Variants in SCRN3 observed in about 807,000 individuals in gnomAD.
The protein encoded by SCRN3 is secernin-3.
In SCRN3, 39 loss-of-function variants were observed where a neutral mutation model predicts 43.1. The observed-to-expected ratio is 0.91, with a 90% confidence interval of 0.70 to 1.18. The LOEUF is 1.18. Among genes scored for constraint, SCRN3 ranks in the 50% most tolerant of loss-of-function variants. SCRN3 has a pLI of 0.00. For missense variants in SCRN3, 484 were observed against 498.0 expected, an observed-to-expected ratio of 0.97 and a Z score of 0.27; for synonymous variants, 147 against 163.1, an observed-to-expected ratio of 0.90 and a Z score of 0.75.
In SCRN3 at chr2:174,404,245, T is replaced by C; in HGVS notation, c.684T>C (p.Leu228=). 1 of 1,613,850 alleles carries C rather than the reference T, an allele frequency of 6.2e-7. No individual in the cohort carries two copies. Among genetic ancestry groups the C allele is most frequent in the Non-Finnish European group, 8.5e-7 (1 of 1,179,840 alleles). Residue 228 remains leucine, a synonymous_variant, in exon 5 of 8, where the codon CTT becomes CTC. Transcript: ENST00000272732. ...EFDFAAAYSY[L]DTAKMMTSSG... ...ATTTTGCTGCAGCATATTCCTATCT[T>C]GACACAGCCAAGATGATGACTTCAT...
chr2:174,396,332 G>C (rs1369963351), intron 1 of SCRN3: 1 of 986,094 alleles, frequency 1.0e-6, no homozygotes, highest in African/African-American at 1.7e-5. Flanking sequence ...AGTGGGCTAG[G>C]TGCAATTCTA....
At chr2:174,404,613 C>T (rs1354394478) in intron 5 of SCRN3, among the ~76,000 whole-genome samples, 1 of 109,562 alleles carries the variant, frequency 9.1e-6, no homozygotes, top group Admixed American at 9.9e-5. Flanking sequence ...CCCCTCCCCC[C>T]ACCCCACCAC....
At chr2:174,416,991 G>C (rs995345784) in intron 5 of SCRN3, among the ~76,000 whole-genome samples, 2 of 152,132 alleles carry the variant, frequency 1.3e-5, no homozygotes, top group African/African-American at 4.8e-5. Flanking sequence ...AAAAGAACAT[G>C]TTATAATTTG....
intron 4 of SCRN3, among the ~76,000 whole-genome samples, chr2:174,403,620 C>A (rs1011386428): frequency 1.3e-5 from 2 of 152,028 alleles, no homozygotes; most frequent in African/African-American, 4.8e-5. Context: ...CATATTATTC[C>A]ATTTATATAA....
chr2:174,427,740 A>G lies in SCRN3; in HGVS notation c.1120A>G (p.Met374Val). The change falls in exon 8 of 8, where the codon ATG becomes GTG. Residue 374 changes from methionine to valine, a missense_variant. By Grantham distance (21) the Met-to-Val change is conservative (BLOSUM62 1). Transcript: ENST00000272732. ...EEKAKIMLDN[M>V]RKLEKELFRE... ...AAAAGCCAAAATAATGTTGGACAAC[A>G]TGAGGAAACTGGAGAAAGAACTATT... 3 of 1,606,108 alleles carry G rather than the reference A, an allele frequency of 1.9e-6. No individual in the cohort carries two copies. Among genetic ancestry groups the G allele is most frequent in the Non-Finnish European group, 1.7e-6 (2 of 1,176,060 alleles).
In SCRN3 at chr2:174,399,980, C is replaced by G. The variant is rs1310073802; in HGVS notation, c.218C>G (p.Pro73Arg). 3 of 1,587,006 alleles carry G rather than the reference C, an allele frequency of 1.9e-6. No individual in the cohort carries two copies. Among genetic ancestry groups the G allele is most frequent in the Non-Finnish European group, 2.6e-6 (3 of 1,169,468 alleles). The part of the protein sequence containing the change: ...PETYAVVLSR[P>R]AWLWGAEMGA... ...ACATATGCTGTTGTCCTGAGTCGCC[C>G]AGCGTGGTTGTGGGGGGCAGAAATG... Residue 73 changes from proline (P) to arginine (R), a missense_variant, in exon 3 of 8, where the codon CCA (proline) becomes CGA (arginine). By Grantham distance (103) the Pro-to-Arg change is moderately radical (BLOSUM62 -2). Coordinates refer to ENST00000272732, the MANE Select transcript of SCRN3 (RefSeq NM_024583.5).
At chr2:174,399,535 G>A (rs1482869196) in intron 2 of SCRN3, among the ~76,000 whole-genome samples, 3 of 152,182 alleles carry the variant, frequency 2.0e-5, no homozygotes, top group Admixed American at 6.5e-5. Flanking sequence ...TACAGCTAGA[G>A]ACCATCTTTC....
intron 3 of SCRN3, 144 bp from the exon 4 acceptor site, chr2:174,400,846 A>G (rs1685483337): frequency 2.9e-6 from 2 of 699,912 alleles, no homozygotes; most frequent in South Asian, 4.7e-5. Context: ...CTTCAGAAGG[A>G]AAAGTTTTAA....
intron 3 of SCRN3, 46 bp from the exon 4 acceptor site, chr2:174,400,944 T>A (rs1375831679): frequency 6.5e-6 from 9 of 1,388,226 alleles, no homozygotes; most frequent in Non-Finnish European, 8.7e-6. Flanking sequence ...TTAAAAAAAA[T>A]AATGGAAATT....
At chr2:174,406,598 T>C (rs1685702806) in intron 5 of SCRN3, among the ~76,000 whole-genome samples, 1 of 150,812 alleles carries the variant, frequency 6.6e-6, no homozygotes, top group African/African-American at 2.4e-5. Context: ...TGTGGGTTTG[T>C]CAGAGATAGC....
intron 5 of SCRN3, among the ~76,000 whole-genome samples, chr2:174,420,841 A>G (rs905251146): frequency 1.3e-5 from 2 of 152,200 alleles, no homozygotes; most frequent in African/African-American, 4.8e-5. Flanking sequence ...AAAAGGTCTC[A>G]CATACATAAG....
rs758282561 is a variant in SCRN3 at position 174,424,489 on chromosome 2, C to T, written c.932C>T (p.Pro311Leu). The change falls in exon 7 of 8, where the codon CCT (proline) becomes CTT (leucine). Residue 311 changes from proline to leucine, a missense_variant. By Grantham distance (98) the Pro-to-Leu change is moderately conservative. Transcript: ENST00000272732. ...TPDPERSVFK[P>L]FIFVPHISQL... ...CTTTTTTCTAGATCTGTTTTTAAGC[C>T]TTTCATATTTGTGCCACATATTTCA... The T allele has an allele frequency of 6.2e-7, 1 of 1,602,370 alleles. No individual in the cohort carries two copies. The highest frequency in any genetic ancestry group is 1.7e-5 in the Admixed American group (1 of 59,002).
Position 174,404,277 on chromosome 2 carries a change from G to C in SCRN3, c.716G>C (p.Arg239Thr). The change falls in exon 5 of 8, where the codon AGA becomes ACA. Residue 239 changes from arginine (R) to threonine (T), a missense_variant. Coordinates refer to ENST00000272732, the MANE Select transcript of SCRN3 (RefSeq NM_024583.5). ...GCCAAGATGATGACTTCATCAGGCAGATACTGTGAGGGCTACAAGCTTCTA... is the reference window on the plus strand; with the variant it reads ...GCCAAGATGATGACTTCATCAGGCACATACTGTGAGGGCTACAAGCTTCTA... ...DTAKMMTSSGRYCEGYKLLNK... is the reference protein window; with the variant it reads ...DTAKMMTSSGTYCEGYKLLNK... The C allele has an allele frequency of 6.2e-7, 1 of 1,613,766 alleles. No homozygotes were observed. The highest frequency in any genetic ancestry group is 8.5e-7 in the Non-Finnish European group (1 of 1,179,760).
chr2:174,413,201 C>T (rs994378224), intron 5 of SCRN3, among the ~76,000 whole-genome samples: 2 of 152,000 alleles, frequency 1.3e-5, no homozygotes, highest in African/African-American at 2.4e-5. Flanking sequence ...AGCAAAAGAG[C>T]ACTGCAAAAA....
chr2:174,410,777 T>A (rs991311966), intron 5 of SCRN3, among the ~76,000 whole-genome samples: 5 of 152,190 alleles, frequency 3.3e-5, no homozygotes, highest in Admixed American at 6.5e-5. Context: ...AGGAATTCCC[T>A]CTTTCCACTC....
intron 7 of SCRN3, among the ~76,000 whole-genome samples, chr2:174,425,634 C>T (rs971608037): frequency 1.3e-5 from 2 of 151,998 alleles, no homozygotes; most frequent in African/African-American, 2.4e-5. Context: ...ACAAGCTCTG[C>T]CAGACTTCTT....
intron 5 of SCRN3, chr2:174,409,926 T>G (rs1274853600): frequency 1.4e-5 from 2 of 141,810 alleles, no homozygotes; most frequent in Admixed American, 1.4e-4. Context: ...GTCTGTGCCC[T>G]GCCCCCAGAG....
At position 174,426,600 on chromosome 2, in the gene SCRN3, C is replaced by T. The variant is rs1029205358; in HGVS notation, c.1093-1113C>T. ...CAGCCTGACCAACATGATGAAACCC[C>T]GTCTGTACTAAAACTACAAAAATTA... On this transcript the variant is annotated intron_variant, in intron 7 of 7. Coordinates refer to ENST00000272732, the MANE Select transcript of SCRN3 (RefSeq NM_024583.5). Among the ~76,000 whole-genome samples the T allele has an allele frequency of 4.6e-5, 7 of 152,006 alleles. No individual in the cohort carries two copies. The South Asian group carries it at 8.3e-4, about 18-fold the overall frequency.
chr2:174,423,543 C>T (rs1220359132), intron 6 of SCRN3, among the ~76,000 whole-genome samples: 2 of 151,934 alleles, frequency 1.3e-5, no homozygotes, highest in Non-Finnish European at 2.9e-5. Flanking sequence ...GATCTCAGCT[C>T]ACTGCAACCT....
Sources: gnomAD v4.1 joint callset for allele counts (sites outside exome capture counted in the v4.1 genomes callset) on GRCh38, gnomAD v4.1.1 for gene constraint, MANE v1.5 for transcripts, NCBI Gene and HGNC (gene_info 2026-07-23, HGNC 2026-07-21) for gene names.